The following ZMYM2 variants were observed in gnomAD, a reference collection of about 807,000 sequenced individuals.
ZMYM2 encodes the protein zinc finger MYM-type protein 2.
A neutral mutation model predicts 162.8 loss-of-function variants in ZMYM2; 56 were observed. That is an observed-to-expected ratio of 0.34 (90% CI 0.28 to 0.43). The LOEUF (loss-of-function observed/expected upper bound fraction) is 0.43, where lower values mean the gene tolerates loss of function less well. Among genes scored for constraint, ZMYM2 ranks in the 20% least tolerant of loss-of-function variants. The pLI is 1.00. For missense variants in ZMYM2, 1,275 were observed against 1,621.8 expected (o/e 0.79, Z 3.67); for synonymous variants, 510 against 541.6 (o/e 0.94, Z 0.81).
rs779940398 is a variant in ZMYM2 at position 20,064,490 on chromosome 13, C to T, written c.3077C>T (p.Pro1026Leu). 1.9e-6 allele frequency: 3 copies of T among 1,600,842 alleles called. No individual in the cohort carries two copies. The highest frequency in any genetic ancestry group is 2.3e-5 in the South Asian group (2 of 88,234). The change falls in exon 19 of 25, where the codon CCA becomes CTA. Residue 1026 changes from proline (P) to leucine (L), a missense_variant. Physicochemically the swap from Pro to Leu is moderately conservative, Grantham distance 98. Coordinates refer to ENST00000610343, the MANE Select transcript of ZMYM2 (RefSeq NM_197968.4). ...ELDMENEFLL[P>L]PVFGEEYEEQ... Reference sequence around the variant, plus strand: ...GATATGGAAAATGAATTTTTATTACCACCTGTTTTTGGCGAAGAATATGAG... The same window carrying T: ...GATATGGAAAATGAATTTTTATTACTACCTGTTTTTGGCGAAGAATATGAG...
chr13:20,012,124 G>T (rs1371056512), intron 6 of ZMYM2, among the ~76,000 whole-genome samples: 1 of 151,818 alleles, frequency 6.6e-6, no homozygotes, highest in Non-Finnish European at 1.5e-5. Flanking sequence ...GACCTTCAGT[G>T]ATCCTCCTGC....
chr13:19,949,945 GAAGAAAGGAAGGAAAGAAAGAAGAGA>G, the ZMYM2 span, among the ~76,000 whole-genome samples: 1 of 150,914 alleles, frequency 6.6e-6, no homozygotes, highest in South Asian at 2.1e-4. Context: ...AAAAAAGAAG[GAAGAAAGGAAGGAAAGAAAGAAGAGA>G]AAGAAAGGAA....
At chr13:19,995,685 C>CT (rs918776964) in intron 3 of ZMYM2, among the ~76,000 whole-genome samples, 16 of 151,292 alleles carry the variant, frequency 1.1e-4, no homozygotes, top group South Asian at 4.2e-4. Flanking sequence ...AGCCCCCCAC[C>CT]TTTTTTTTTG....
the ZMYM2 span, among the ~76,000 whole-genome samples, chr13:19,936,647 A>G: frequency 3.9e-4 from 60 of 152,210 alleles, no homozygotes; most frequent in African/African-American, 1.4e-3. Flanking sequence ...ACTTGAACCC[A>G]GGAGGCGGAG....
chr13:19,978,849 A>G (rs1422529148), intron 2 of ZMYM2, among the ~76,000 whole-genome samples: 1 of 152,104 alleles, frequency 6.6e-6, no homozygotes, highest in South Asian at 2.1e-4. Flanking sequence ...TCTTCTTACC[A>G]TGTTGAGTTA....
intron 2 of ZMYM2, among the ~76,000 whole-genome samples, chr13:19,968,136 A>C (rs1001778495): frequency 6.6e-6 from 1 of 152,208 alleles, no homozygotes; most frequent in Non-Finnish European, 1.5e-5. Flanking sequence ...TAATTGCCAA[A>C]TCTTTTAACT....
At chr13:19,922,522 C>T in the ZMYM2 span, among the ~76,000 whole-genome samples, 1 of 152,144 alleles carries the variant, frequency 6.6e-6, no homozygotes, top group Admixed American at 6.6e-5. Flanking sequence ...TTTTCTCAAT[C>T]ACTTTTGAAT....
intron 5 of ZMYM2, 149 bp from the exon 6 acceptor site, chr13:20,006,225 C>G (rs1950732163): frequency 1.4e-6 from 1 of 712,580 alleles, no homozygotes; most frequent in East Asian, 2.9e-5. Context: ...GAGTGAGACC[C>G]TGTCTTTAAA....
At chr13:19,919,617 T>C in the ZMYM2 span, among the ~76,000 whole-genome samples, 2 of 152,176 alleles carry the variant, frequency 1.3e-5, no homozygotes, top group African/African-American at 4.8e-5. Flanking sequence ...ACTTTTCATG[T>C]GCTTATTGCC....
chr13:19,987,726 C>T (rs1016361977), intron 2 of ZMYM2, among the ~76,000 whole-genome samples: 8 of 151,768 alleles, frequency 5.3e-5, no homozygotes, highest in Non-Finnish European at 8.8e-5. Context: ...GACAATCTGC[C>T]CGCCTCAGCC....
intron 12 of ZMYM2, among the ~76,000 whole-genome samples, chr13:20,046,211 A>T (rs989776748): frequency 1.3e-5 from 2 of 152,030 alleles, no homozygotes; most frequent in African/African-American, 4.8e-5. Context: ...ACACCACTGC[A>T]CTTAAGCCTG....
At chr13:19,972,011 C>T (rs1956378517) in intron 2 of ZMYM2, among the ~76,000 whole-genome samples, 1 of 152,064 alleles carries the variant, frequency 6.6e-6, no homozygotes, top group African/African-American at 2.4e-5. Flanking sequence ...GTTAAAATTA[C>T]TTGAAAGTAC....
chr13:19,975,257 A>G (rs1027207552), intron 2 of ZMYM2, among the ~76,000 whole-genome samples: 39 of 151,894 alleles, frequency 2.6e-4, no homozygotes, highest in Admixed American at 2.2e-3. Context: ...CATTAAGTAC[A>G]TTCACAGTTT....
At position 20,020,477 on chromosome 13, in the gene ZMYM2, G is replaced by A. The variant is rs140952341; in HGVS notation, c.1584+859G>A. 7.4e-4 allele frequency among the ~76,000 whole-genome samples: 113 copies of A among 151,950 alleles called. No individual in the cohort carries two copies. The East Asian group carries it at 0.018, about 24-fold the overall frequency. ...TGACCTCAGGTGATCCACCTGCCTC[G>A]GCCTCCCAAGTGTTGGCGTTACAGG... On this transcript the variant is annotated intron_variant, in intron 7 of 24. Transcript: ENST00000610343.
the ZMYM2 span, among the ~76,000 whole-genome samples, chr13:19,892,862 G>A: frequency 4.6e-5 from 7 of 151,042 alleles, no homozygotes; most frequent in Non-Finnish European, 7.4e-5. Context: ...CTACAGGCAC[G>A]CGCCACCGCG....
the ZMYM2 span, among the ~76,000 whole-genome samples, chr13:19,946,403 T>C: frequency 6.6e-6 from 1 of 152,216 alleles, no homozygotes; most frequent in African/African-American, 2.4e-5. Context: ...AGGAGAAGTT[T>C]AATTCTTGAT....
At chr13:19,906,437 G>A in the ZMYM2 span, among the ~76,000 whole-genome samples, 1 of 147,160 alleles carries the variant, frequency 6.8e-6, no homozygotes, top group African/African-American at 2.5e-5. Context: ...TTTAATTGGA[G>A]AATTTAAACT....
intron 21 of ZMYM2, chr13:20,071,896 T>G (rs1957114613): frequency 5.2e-6 from 1 of 190,566 alleles, no homozygotes; most frequent in East Asian, 8.7e-5. Flanking sequence ...CGTTCAAGGC[T>G]TTCTGCACCA....
intron 6 of ZMYM2, among the ~76,000 whole-genome samples, chr13:20,016,018 A>G (rs1296581518): frequency 1.3e-5 from 2 of 152,072 alleles, no homozygotes; most frequent in East Asian, 3.9e-4. Flanking sequence ...ATAATTACCA[A>G]TAAGGAAGGA....
Sources: gnomAD v4.1 joint callset for allele counts (sites outside exome capture counted in the v4.1 genomes callset) on GRCh38, gnomAD v4.1.1 for gene constraint, MANE v1.5 for transcripts, NCBI Gene and HGNC (gene_info 2026-07-23, HGNC 2026-07-21) for gene names.